The following EIF4A3 variants were observed in gnomAD, a reference collection of about 807,000 sequenced individuals.
The protein encoded by EIF4A3 is eukaryotic translation initiation factor 4A3, also known as eukaryotic initiation factor 4A-III.
In EIF4A3, 1 loss-of-function variant was observed where a neutral mutation model predicts 55.6. That is an observed-to-expected ratio of 0.02 (90% CI 0.01 to 0.09). EIF4A3 has a LOEUF of 0.09. Among genes scored for constraint, EIF4A3 ranks in the 10% least tolerant of loss-of-function variants. The pLI is 1.00. For synonymous variants in EIF4A3, 194 were observed against 196.3 expected (o/e 0.99, Z 0.10); for missense variants, 221 against 540.7 (o/e 0.41, Z 5.86).
chr17:80,146,365 G>C (rs897367230), intron 1 of EIF4A3, among the ~76,000 whole-genome samples: 6 of 151,732 alleles, frequency 4.0e-5, no homozygotes, highest in African/African-American at 1.5e-4. Context: ...CAATTACCCC[G>C]CTTCAGGTTC....
chr17:80,145,479 G>A (rs1009109807), intron 1 of EIF4A3, among the ~76,000 whole-genome samples: 9 of 152,136 alleles, frequency 5.9e-5, no homozygotes, highest in East Asian at 1.9e-4. Context: ...CAAAGGAATC[G>A]CTTGAGCCCC....
At chr17:80,137,705 T>TTCTC in intron 8 of EIF4A3, 1 of 546,200 alleles carries the variant, frequency 1.8e-6, no homozygotes, top group Non-Finnish European at 3.3e-6. Flanking sequence ...TTACTTCATT[T>TTCTC]TCTCCATATA....
Position 80,141,331 on chromosome 17 carries a change from C to T in EIF4A3, c.360G>A (p.Val120=). ...LILAPTRELA[V]QIQKGLLALG... is the part of the protein sequence containing the mutation. ...TTAGCCATCTCACCTTCTGGATCTG[C>T]ACAGCCAACTCTCTTGTGGGAGCCA... The change falls in exon 4 of 12, where the codon GTG becomes GTA. Residue 120 remains valine, a synonymous_variant. Transcript: ENST00000649764. The T allele has an allele frequency of 6.2e-7, 1 of 1,613,580 alleles. No individual in the cohort carries two copies. The highest frequency in any genetic ancestry group is 8.5e-7 in the Non-Finnish European group (1 of 1,179,590).
chr17:80,146,734 A>AGCCCCCGGCTC lies in EIF4A3; in HGVS notation c.169+48_169+58dup, dbSNP rs903658096. ...CCCGGGAGTCACCAGTCTGGCCCTC[A>AGCCCCCGGCTC]GCCCCCGGCTCGCCCCCGACTCGCC... On this transcript the variant is annotated intron_variant, in intron 1 of 11. Transcript: ENST00000649764. 1.7e-4 allele frequency: 261 copies of AGCCCCCGGCTC among 1,560,676 alleles called. 4 individuals carry two copies. The South Asian group carries it at 2.1e-3, about 13-fold the overall frequency.
intron 1 of EIF4A3, among the ~76,000 whole-genome samples, chr17:80,146,497 G>C (rs939228793): frequency 1.3e-5 from 2 of 152,262 alleles, no homozygotes; most frequent in African/African-American, 4.8e-5. Flanking sequence ...CTAATAGGTA[G>C]AAATCAGTTA....
intron 2 of EIF4A3, among the ~76,000 whole-genome samples, chr17:80,143,043 A>T (rs777944695): frequency 6.6e-6 from 1 of 152,188 alleles, no homozygotes; most frequent in Non-Finnish European, 1.5e-5. Context: ...TAAAAAATTT[A>T]AATTTCAAAT....
rs186325795 is a variant in EIF4A3, at chr17:80,134,868, T to C, written c.*622A>G. Among the ~76,000 whole-genome samples, 4 of 151,292 alleles carry C rather than the reference T, an allele frequency of 2.6e-5. No homozygotes were observed. The highest frequency in any genetic ancestry group is 5.9e-5 in the Non-Finnish European group (4 of 67,856). ...AAAAAGATTAGAAAAGTGAGTGAAA[T>C]GGGCCGGGTGCAGTGGCTCACGCCT... is the stretch of plus-strand genomic sequence containing the variant. On this transcript the variant is annotated 3_prime_UTR_variant, in exon 12 of 12. Transcript: ENST00000649764.
chr17:80,140,276 T>A, intron 4 of EIF4A3, 136 bp from the exon 5 acceptor site: 2 of 1,016,140 alleles, frequency 2.0e-6, no homozygotes, highest in Non-Finnish European at 2.6e-6. Context: ...CACAAAATTC[T>A]CCTGCTCTTT....
At chr17:80,146,731 C>T (rs1353330348) in intron 1 of EIF4A3, 62 bp downstream of exon 1, 1 of 1,554,658 alleles carries the variant, frequency 6.4e-7, no homozygotes. Context: ...CAGTCTGGCC[C>T]TCAGCCCCCG....
At chr17:80,146,693 C>A in intron 1 of EIF4A3, 100 bp downstream of exon 1, 1 of 1,398,312 alleles carries the variant, frequency 7.2e-7, no homozygotes, top group Non-Finnish European at 9.4e-7. Flanking sequence ...CCACGACCTC[C>A]GGAGCGCAGG....
In EIF4A3 at chr17:80,147,098, G is replaced by A. The variant is rs1181799339; in HGVS notation, c.-137C>T. 8 of 1,286,746 alleles carry A rather than the reference G, an allele frequency of 6.2e-6. No individual in the cohort carries two copies. In the South Asian group the frequency reaches 1.2e-4, roughly 19 times the overall value. The allele number at this position is 1,286,746 out of a possible 1,614,324, so 79.7% of individuals were successfully genotyped here. On this transcript the variant is annotated 5_prime_UTR_variant, in exon 1 of 12. Transcript: ENST00000649764. ...CTGCCGACCTCGCTGTGCCGCTGCC[G>A]ACCTCGCTGTGCCGCTGCCGACCTC...
intron 1 of EIF4A3, 66 bp downstream of exon 1, chr17:80,146,727 G>A (rs1461039466): frequency 9.1e-6 from 14 of 1,543,464 alleles, no homozygotes; most frequent in Non-Finnish European, 1.2e-5. Flanking sequence ...TCACCAGTCT[G>A]GCCCTCAGCC....
chr17:80,136,462 AAC>A, intron 9 of EIF4A3, 127 bp from the exon 10 acceptor site: 1 of 715,078 alleles, frequency 1.4e-6, no homozygotes, highest in South Asian at 1.9e-5. Context: ...CTCCTCTCTC[AAC>A]AGTCTGTCTG....
intron 3 of EIF4A3, 162 bp downstream of exon 3, chr17:80,141,620 A>G: frequency 1.4e-6 from 1 of 732,374 alleles, no homozygotes; most frequent in South Asian, 1.9e-5. Flanking sequence ...ACAGAATATT[A>G]GTGCATATAT....
At chr17:80,144,145 C>T in intron 2 of EIF4A3, 27 bp downstream of exon 2, 10 of 1,612,736 alleles carry the variant, frequency 6.2e-6, no homozygotes, top group Non-Finnish European at 8.5e-6. Flanking sequence ...TACATCCAGC[C>T]CTGCGCCGCA....
Position 80,135,914 on chromosome 17 carries a change from C to G in EIF4A3, c.1219+90G>C, listed in dbSNP as rs1025534347. 26 of 1,528,832 alleles carry G rather than the reference C, an allele frequency of 1.7e-5. No individual in the cohort carries two copies. The Admixed American group carries it at 1.9e-4, about 11-fold the overall frequency. The allele number at this position is 1,528,832 out of a possible 1,614,324, so 94.7% of individuals were successfully genotyped here. A position where few individuals can be genotyped will look rare whatever the true frequency, so the allele number is the denominator to read the frequency against. On this transcript the variant is annotated intron_variant, in intron 11 of 11. Transcript: ENST00000649764. ...CGTCTCAAAAACAAAACAAAAAAAC[C>G]CACAACAACAAAAAAACAAACTCAG...
At chr17:80,138,057 T>C in intron 8 of EIF4A3, 85 bp downstream of exon 8, 1 of 1,536,012 alleles carries the variant, frequency 6.5e-7, no homozygotes, top group Non-Finnish European at 8.9e-7. Flanking sequence ...AACTGGCCCT[T>C]TACTGAAAAA....
intron 4 of EIF4A3, 154 bp from the exon 5 acceptor site, chr17:80,140,294 C>G (rs1322847246): frequency 1.5e-6 from 1 of 688,540 alleles, no homozygotes; most frequent in Non-Finnish European, 2.1e-6. Flanking sequence ...TTTTCTCTGA[C>G]AAAAACAAGT....
chr17:80,140,126 G>T lies in EIF4A3; in HGVS notation c.387C>A (p.Leu129=). The part of the protein sequence containing the change: ...AVQIQKGLLA[L]GDYMNVQCHA... The stretch of plus-strand genomic sequence containing the variant: ...GGCACTGGACATTCATGTAGTCACC[G>T]AGAGCAAGCAGCCCCTGAAACAAAG... Residue 129 remains leucine, a synonymous_variant, in exon 5 of 12, where the codon CTC becomes CTA. Transcript: ENST00000649764. 6.2e-7 allele frequency: 1 copy of T among 1,602,084 alleles called. No individual in the cohort carries two copies. Among genetic ancestry groups the T allele is most frequent in the Non-Finnish European group, 8.5e-7 (1 of 1,173,822 alleles).
Sources: allele counts gnomAD v4.1 joint callset (sites outside exome capture counted in the v4.1 genomes callset), GRCh38; gene constraint gnomAD v4.1.1; transcripts MANE v1.5; gene names NCBI Gene and HGNC (gene_info 2026-07-23, HGNC 2026-07-21).